Variants in RIF1 observed in about 807,000 individuals in gnomAD.
RIF1 encodes the protein telomere-associated protein RIF1.
RIF1 carries 45 observed loss-of-function variants against 247.1 expected under a neutral mutation model. The observed-to-expected ratio is 0.18, with a 90% CI of 0.14 to 0.23. The LOEUF (loss-of-function observed/expected upper bound fraction) is 0.23. Among genes scored for constraint, RIF1 ranks in the 10% least tolerant of loss-of-function variants. The pLI is 1.00. For synonymous variants in RIF1, 1,087 were observed against 978.8 expected, an observed-to-expected ratio of 1.11 and a Z score of -2.06; for missense variants, 2,967 against 2,862.5, an observed-to-expected ratio of 1.04 and a Z score of -0.83.
chr2:151,434,280 A>G (rs1207830076), intron 10 of RIF1, among the ~76,000 whole-genome samples: 2 of 152,066 alleles, frequency 1.3e-5, no homozygotes, highest in Non-Finnish European at 2.9e-5. Context: ...GTGATAACCA[A>G]TGACTGAATC....
the RIF1 span, among the ~76,000 whole-genome samples, chr2:151,527,313 G>A: frequency 6.6e-6 from 1 of 152,174 alleles, no homozygotes; most frequent in African/African-American, 2.4e-5. Flanking sequence ...CCATGGGCAG[G>A]TTTGGGTTCT....
chr2:151,523,031 T>G, the RIF1 span, among the ~76,000 whole-genome samples: 1 of 152,194 alleles, frequency 6.6e-6, no homozygotes, highest in Non-Finnish European at 1.5e-5. Flanking sequence ...CCTCTTGATT[T>G]TCAAAAACAA....
At position 151,464,756 on chromosome 2, in the gene RIF1, C is replaced by T; in HGVS notation, c.5236C>T (p.Leu1746Phe). The T allele has an allele frequency of 6.2e-7, 1 of 1,613,798 alleles. No homozygotes were observed. The highest frequency in any genetic ancestry group is 8.5e-7 in the Non-Finnish European group (1 of 1,179,906). The change falls in exon 30 of 36, where the codon CTC (leucine) becomes TTC (phenylalanine). Residue 1746 changes from leucine (L) to phenylalanine (F), a missense_variant. Coordinates refer to ENST00000444746, the MANE Select transcript of RIF1 (RefSeq NM_018151.5). The part of the protein sequence containing the change: ...GEKSQPQEKS[L>F]IGLKNTENND... ...AAAATCACAACCTCAGGAAAAGTCA[C>T]TCATTGGGTTAAAGAATACAGAAAA... is the stretch of plus-strand genomic sequence containing the variant.
chr2:151,491,777 T>C, intron 9 of RIF1: 1 of 1,578,496 alleles, frequency 6.3e-7, no homozygotes, highest in Non-Finnish European at 8.6e-7. Flanking sequence ...CACGTAAACC[T>C]GAAAGGGAAA....
chr2:151,461,345 G>A, intron 27 of RIF1, 56 bp downstream of exon 27: 1 of 1,518,392 alleles, frequency 6.6e-7, no homozygotes, highest in Non-Finnish European at 9.0e-7. Flanking sequence ...TAGATTTCAT[G>A]CAAGAAAAGT....
At chr2:151,534,110 A>G in the RIF1 span, 2 of 844,448 alleles carry the variant, frequency 2.4e-6, no homozygotes, top group Non-Finnish European at 1.9e-6. Context: ...ACAACCCAAT[A>G]TCATAGGCAG....
intron 2 of RIF1, among the ~76,000 whole-genome samples, 170 bp from the exon 3 acceptor site, chr2:151,411,090 T>C (rs1335657782): frequency 6.6e-6 from 1 of 152,224 alleles, no homozygotes. Context: ...CTTTCATTTC[T>C]GATATATATT....
intron 7 of RIF1, among the ~76,000 whole-genome samples, chr2:151,420,973 T>G (rs189366951): frequency 6.6e-6 from 1 of 152,304 alleles, no homozygotes; most frequent in Admixed American, 6.5e-5. Flanking sequence ...ATTAACTGAT[T>G]GACTCATGTT....
chr2:151,492,689 T>C (rs914564916), intron 9 of RIF1: 1 of 396,900 alleles, frequency 2.5e-6, no homozygotes, highest in African/African-American at 2.1e-5. Flanking sequence ...GAGAAAGGAC[T>C]TGTTTTGACT....
chr2:151,529,608 G>A, the RIF1 span, among the ~76,000 whole-genome samples: 1 of 151,180 alleles, frequency 6.6e-6, no homozygotes, highest in African/African-American at 2.4e-5. Flanking sequence ...TCAGCTCACT[G>A]CAACCTCCGC....
Position 151,480,175 on chromosome 2 carries a change from G to A in RIF1, c.*5104G>A, listed in dbSNP as rs1373279441. The A allele has an allele frequency of 6.6e-6, 1 of 152,032 alleles. No homozygotes were observed. Among genetic ancestry groups the A allele is most frequent in the Non-Finnish European group, 1.5e-5 (1 of 67,978 alleles). 9.4% of individuals were successfully genotyped at this position (152,032 alleles called of 1,614,324 possible). Reference sequence around the variant, plus strand: ...AATACCGTTGGAATAAAAGATAACCGTTCATCTTACCTAAAAAATTGAAGA... The same window carrying A: ...AATACCGTTGGAATAAAAGATAACCATTCATCTTACCTAAAAAATTGAAGA... On this transcript the variant is annotated 3_prime_UTR_variant, in exon 36 of 36. Coordinates refer to ENST00000444746, the MANE Select transcript of RIF1 (RefSeq NM_018151.5).
intron 11 of RIF1, 42 bp downstream of exon 11, chr2:151,435,622 C>T: frequency 9.6e-7 from 1 of 1,043,890 alleles, no homozygotes; most frequent in Non-Finnish European, 1.5e-6. Flanking sequence ...TTTAATCAGG[C>T]TTTGTTGACC....
rs1456060543 is a variant in RIF1, at chr2:151,479,969, C to T, written c.*4898C>T. ...TGCAAGTAGCCGTTAAAGTGTAAGTCATTGAAGTTTGAAGATCTATAAATA... is the reference window on the plus strand; with the variant it reads ...TGCAAGTAGCCGTTAAAGTGTAAGTTATTGAAGTTTGAAGATCTATAAATA... On this transcript the variant is annotated 3_prime_UTR_variant, in exon 36 of 36. Transcript: ENST00000444746. 1.3e-5 allele frequency: 2 copies of T among 152,074 alleles called. No homozygotes were observed. The highest frequency in any genetic ancestry group is 3.9e-4 in the East Asian group (2 of 5,184). The allele number at this position is 152,074 out of a possible 1,614,324, so 9.4% of individuals were successfully genotyped here.
chr2:151,437,770 C>T (rs754343996), intron 13 of RIF1, among the ~76,000 whole-genome samples: 3 of 152,140 alleles, frequency 2.0e-5, no homozygotes, highest in Non-Finnish European at 2.9e-5. Context: ...GAGAACTTTA[C>T]ATTTATTCAT....
the RIF1 span, chr2:151,527,523 C>T: frequency 6.8e-6 from 11 of 1,613,394 alleles, no homozygotes; most frequent in South Asian, 4.4e-5. Flanking sequence ...GGAGGAAGTC[C>T]GGTCGGTCAG....
intron 21 of RIF1, among the ~76,000 whole-genome samples, chr2:151,453,139 T>C (rs1357690291): frequency 2.0e-5 from 3 of 152,210 alleles, no homozygotes; most frequent in Non-Finnish European, 4.4e-5. Context: ...CAATTAATGG[T>C]TGATTGCATT....
chr2:151,507,659 G>T, intron 13 of RIF1: 1 of 235,846 alleles, frequency 4.2e-6, no homozygotes, highest in East Asian at 9.2e-5. Context: ...CTGTTTCTTT[G>T]GGTAGTCATT....
At chr2:151,492,085 C>G (rs1253111505) in intron 9 of RIF1, 1 of 1,613,172 alleles carries the variant, frequency 6.2e-7, no homozygotes, top group African/African-American at 1.3e-5. Flanking sequence ...TCCCCCAACC[C>G]AGGCTCAGTT....
intron 19 of RIF1, 43 bp from the exon 20 acceptor site, chr2:151,446,383 A>G (rs1693282437): frequency 5.9e-6 from 9 of 1,524,778 alleles, no homozygotes; most frequent in Middle Eastern, 3.4e-4. Context: ...TTTGATAGAT[A>G]GGTATATATT....
Sources: allele counts gnomAD v4.1 joint callset (sites outside exome capture counted in the v4.1 genomes callset), GRCh38; gene constraint gnomAD v4.1.1; transcripts MANE v1.5; gene names NCBI Gene and HGNC (gene_info 2026-07-23, HGNC 2026-07-21).